RIMS2: variants seen among roughly 807,000 people sequenced by gnomAD.
RIMS2 encodes regulating synaptic membrane exocytosis 2, also known as regulating synaptic membrane exocytosis protein 2.
A neutral mutation model predicts 174.4 loss-of-function variants in RIMS2; 59 were observed. The ratio of observed to expected loss-of-function variants is 0.34; its 90% CI spans 0.27 to 0.42. The LOEUF (loss-of-function observed/expected upper bound fraction) is 0.42. Among genes scored for constraint, RIMS2 ranks in the 10% least tolerant of loss-of-function variants. The probability of loss-of-function intolerance (pLI) is 1.00; values close to 1 mark genes in which losing one functional copy is unlikely to be tolerated. For missense variants in RIMS2, 1,620 were observed against 1,666.3 expected (o/e 0.97, Z 0.48); for synonymous variants, 606 against 572.5 (o/e 1.06, Z -0.84).
At chr8:103,627,789 T>G (rs899986509) in intron 1 of RIMS2, among the ~76,000 whole-genome samples, 1 of 152,216 alleles carries the variant, frequency 6.6e-6, no homozygotes, top group African/African-American at 2.4e-5. Flanking sequence ...CAACCCAAAG[T>G]AGTAATCAGT....
intron 1 of RIMS2, among the ~76,000 whole-genome samples, chr8:103,555,456 A>C (rs1849977615): frequency 6.6e-6 from 1 of 152,176 alleles, no homozygotes; most frequent in Admixed American, 6.6e-5. Context: ...AACAGTATGG[A>C]GGTTCCTCAA....
chr8:103,951,716 C>T (rs1486693679), intron 14 of RIMS2, among the ~76,000 whole-genome samples: 1 of 152,186 alleles, frequency 6.6e-6, no homozygotes, highest in Non-Finnish European at 1.5e-5. Context: ...TTTTGCTTTT[C>T]ATACTCCAGT....
intron 1 of RIMS2, among the ~76,000 whole-genome samples, chr8:103,627,756 A>G (rs1257015205): frequency 6.6e-6 from 1 of 152,246 alleles, no homozygotes; most frequent in Non-Finnish European, 1.5e-5. Flanking sequence ...TACTGACTTA[A>G]CATGTTATAA....
At chr8:103,537,236 G>A (rs1840252844) in intron 1 of RIMS2, among the ~76,000 whole-genome samples, 1 of 152,182 alleles carries the variant, frequency 6.6e-6, no homozygotes, top group South Asian at 2.1e-4. Flanking sequence ...TGGTAAAGGA[G>A]ACAGAAATTA....
intron 19 of RIMS2, 75 bp from the exon 23 acceptor site, chr8:104,068,437 G>A (rs941272349): frequency 6.6e-5 from 43 of 651,050 alleles, no homozygotes; most frequent in East Asian, 4.2e-4. Flanking sequence ...GCTTTTCTTC[G>A]TTTATACATC....
chr8:103,554,015 G>T (rs1324729705), intron 1 of RIMS2, among the ~76,000 whole-genome samples: 1 of 152,112 alleles, frequency 6.6e-6, no homozygotes, highest in Non-Finnish European at 1.5e-5. Flanking sequence ...GATTGAAGCT[G>T]GACCCCTTCC....
chr8:103,750,099 CTG>C (rs1168959365), intron 2 of RIMS2, among the ~76,000 whole-genome samples: 2 of 152,006 alleles, frequency 1.3e-5, no homozygotes, highest in Admixed American at 6.5e-5. Flanking sequence ...TCCCACTAGT[CTG>C]TGCTATAGCA....
At chr8:103,958,943 G>A (rs973710329) in intron 14 of RIMS2, among the ~76,000 whole-genome samples, 46 of 152,186 alleles carry the variant, frequency 3.0e-4, no homozygotes, top group African/African-American at 1.1e-3. Flanking sequence ...CAGAAGGATA[G>A]ACTGGTTAGG....
chr8:103,565,927 A>AT (rs1265524190), intron 1 of RIMS2, among the ~76,000 whole-genome samples: 4 of 152,192 alleles, frequency 2.6e-5, no homozygotes, highest in African/African-American at 9.6e-5. Flanking sequence ...TCAGGAGAGT[A>AT]TGTTATGCCC....
intron 1 of RIMS2, among the ~76,000 whole-genome samples, chr8:103,505,971 TA>T (rs921711358): frequency 2.0e-5 from 3 of 152,092 alleles, no homozygotes; most frequent in South Asian, 2.1e-4. Context: ...GGTCACGATT[TA>T]AAAAAATTGA....
At chr8:103,804,902 T>C (rs1319250737) in intron 3 of RIMS2, among the ~76,000 whole-genome samples, 1 of 151,960 alleles carries the variant, frequency 6.6e-6, no homozygotes, top group East Asian at 1.9e-4. Context: ...GATCAAGCAA[T>C]CTTCCTACCT....
chr8:103,736,579 T>C (rs1368347864), intron 2 of RIMS2, among the ~76,000 whole-genome samples: 2 of 152,342 alleles, frequency 1.3e-5, no homozygotes, highest in South Asian at 2.1e-4. Context: ...TGGTCTATTA[T>C]GTCCAGTTAT....
intron 3 of RIMS2, among the ~76,000 whole-genome samples, chr8:103,790,942 T>A (rs1274269607): frequency 6.6e-6 from 1 of 152,180 alleles, no homozygotes; most frequent in Non-Finnish European, 1.5e-5. Flanking sequence ...AATCTACATC[T>A]GATTGGTGTA....
intron 3 of RIMS2, among the ~76,000 whole-genome samples, chr8:103,767,275 C>T (rs1242575460): frequency 6.6e-6 from 1 of 151,326 alleles, no homozygotes; most frequent in Non-Finnish European, 1.5e-5. Flanking sequence ...GCAATCCCTG[C>T]TTCCCAGGTT....
chr8:103,530,998 G>C (rs1586904403), intron 1 of RIMS2, among the ~76,000 whole-genome samples: 1 of 150,720 alleles, frequency 6.6e-6, no homozygotes, highest in Non-Finnish European at 1.5e-5. Flanking sequence ...TTAAAAATGG[G>C]CAGAATTTAA....
intron 6 of RIMS2, among the ~76,000 whole-genome samples, chr8:103,913,820 A>G (rs1015364644): frequency 5.9e-5 from 9 of 152,238 alleles, no homozygotes; most frequent in African/African-American, 1.9e-4. Context: ...TCACTATCAC[A>G]AAGACAGCAC....
chr8:103,947,512 G>C (rs1306339728), intron 14 of RIMS2, among the ~76,000 whole-genome samples: 1 of 152,160 alleles, frequency 6.6e-6, no homozygotes, highest in African/African-American at 2.4e-5. Flanking sequence ...GCATGTTACT[G>C]TGCTGAATAC....
At chr8:104,115,281 G>A (rs1170817879) in intron 19 of RIMS2, among the ~76,000 whole-genome samples, 3 of 152,024 alleles carry the variant, frequency 2.0e-5, no homozygotes, top group African/African-American at 4.8e-5. Flanking sequence ...CTTGACAATA[G>A]CATGCTTGAT....
chr8:104,057,045 T>C (rs538066408), intron 19 of RIMS2, among the ~76,000 whole-genome samples: 2 of 151,344 alleles, frequency 1.3e-5, no homozygotes, highest in African/African-American at 4.8e-5. Context: ...AAGTACATCC[T>C]TTTTTCTTTT....
Sources: allele counts gnomAD v4.1 joint callset (sites outside exome capture counted in the v4.1 genomes callset), GRCh38; gene constraint gnomAD v4.1.1; transcripts MANE v1.5; gene names NCBI Gene and HGNC (gene_info 2026-07-23, HGNC 2026-07-21).